The following SMYD3 variants were observed in gnomAD, a reference collection of about 807,000 sequenced individuals.
SMYD3 encodes SET and MYND domain containing 3, also known as histone-lysine N-methyltransferase SMYD3.
A neutral mutation model predicts 57.7 loss-of-function variants in SMYD3; 36 were observed. That is an observed-to-expected ratio of 0.62 (90% CI 0.48 to 0.82). The LOEUF (loss-of-function observed/expected upper bound fraction) is 0.82. Among genes scored for constraint, SMYD3 ranks in the 40% least tolerant of loss-of-function variants. The probability of loss-of-function intolerance (pLI) is 0.00; values close to 1 mark genes in which losing one functional copy is unlikely to be tolerated. For synonymous variants in SMYD3, 211 were observed against 195.0 expected, an observed-to-expected ratio of 1.08 and a Z score of -0.68; for missense variants, 515 against 538.8, an observed-to-expected ratio of 0.96 and a Z score of 0.44.
intron 5 of SMYD3, among the ~76,000 whole-genome samples, chr1:245,996,516 C>G (rs764012363): frequency 3.3e-5 from 5 of 152,132 alleles, no homozygotes; most frequent in African/African-American, 4.8e-5. Context: ...CTCATTAGGC[C>G]AGGACCACAT....
chr1:246,084,966 A>G (rs771442290), intron 5 of SMYD3, among the ~76,000 whole-genome samples: 10 of 152,256 alleles, frequency 6.6e-5, no homozygotes, highest in Non-Finnish European at 1.3e-4. Flanking sequence ...TTTTGTGATT[A>G]GAGTACCTAG....
chr1:245,856,152 T>C (rs2051227834), intron 10 of SMYD3, among the ~76,000 whole-genome samples: 1 of 152,226 alleles, frequency 6.6e-6, no homozygotes, highest in African/African-American at 2.4e-5. Flanking sequence ...CCTGACCTAT[T>C]TGCATACATT....
At chr1:245,822,976 G>A (rs140543783) in intron 10 of SMYD3, among the ~76,000 whole-genome samples, 264 of 152,268 alleles carry the variant, frequency 1.7e-3, no homozygotes, top group African/African-American at 6.1e-3. Context: ...GTCCTGAATG[G>A]GTGAGGCAAA....
At chr1:246,262,422 T>C (rs2064029182) in intron 5 of SMYD3, among the ~76,000 whole-genome samples, 1 of 152,240 alleles carries the variant, frequency 6.6e-6, no homozygotes, top group South Asian at 2.1e-4. Flanking sequence ...TCTGGACATA[T>C]TCCCATATCT....
At chr1:246,037,169 T>C (rs892731336) in intron 5 of SMYD3, among the ~76,000 whole-genome samples, 2 of 152,226 alleles carry the variant, frequency 1.3e-5, no homozygotes, top group African/African-American at 4.8e-5. Context: ...TTCCTATAAA[T>C]GTAATTGCTG....
intron 5 of SMYD3, among the ~76,000 whole-genome samples, chr1:245,949,328 C>A (rs1267282543): frequency 6.6e-6 from 1 of 152,194 alleles, no homozygotes; most frequent in Non-Finnish European, 1.5e-5. Flanking sequence ...CACCGTGGGG[C>A]CCAAGGACTG....
rs1010446696 is a variant in SMYD3 at position 246,110,398 on chromosome 1, A to C, written c.532-180461T>G. On this transcript the variant is annotated intron_variant, in intron 5 of 11. Transcript: ENST00000490107. Reference sequence around the variant, plus strand: ...AAGGGAGTGGGTAGATGAATGGCAGACAGCTGAAAGAACACTCAGGGGGCT... The same window carrying C: ...AAGGGAGTGGGTAGATGAATGGCAGCCAGCTGAAAGAACACTCAGGGGGCT... 1.1e-4 allele frequency among the ~76,000 whole-genome samples: 17 copies of C among 152,206 alleles called. 1 individual carries two copies. The highest frequency in any genetic ancestry group is 3.2e-3 in the Middle Eastern group (1 of 314).
At chr1:245,915,674 A>G (rs370203670) in intron 7 of SMYD3, 34 bp from the exon 8 acceptor site, 5 of 1,329,496 alleles carry the variant, frequency 3.8e-6, no homozygotes, top group Non-Finnish European at 5.4e-6. Context: ...GCGCTGAAAC[A>G]TCTGCTGTGC....
At chr1:246,358,558 A>C (rs2065940708) in intron 1 of SMYD3, among the ~76,000 whole-genome samples, 1 of 152,238 alleles carries the variant, frequency 6.6e-6, no homozygotes. Flanking sequence ...AGAACATATG[A>C]TAGGGCACAA....
intron 5 of SMYD3, among the ~76,000 whole-genome samples, chr1:246,070,210 T>C (rs151180879): frequency 2.0e-5 from 3 of 152,270 alleles, no homozygotes; most frequent in East Asian, 3.9e-4. Flanking sequence ...CTTCTTTTCA[T>C]TTCCCGGGAC....
intron 7 of SMYD3, among the ~76,000 whole-genome samples, chr1:245,923,174 T>C (rs187563700): frequency 7.9e-4 from 121 of 152,244 alleles, no homozygotes; most frequent in African/African-American, 2.8e-3. Flanking sequence ...AATGTTTCGT[T>C]TGTGATATCC....
chr1:245,786,641 G>T (rs1242093975), intron 10 of SMYD3, among the ~76,000 whole-genome samples: 1 of 151,456 alleles, frequency 6.6e-6, no homozygotes, highest in East Asian at 1.9e-4. Context: ...GTACAAACAA[G>T]CTGGCAGCCC....
intron 10 of SMYD3, among the ~76,000 whole-genome samples, chr1:245,847,267 A>G (rs1182092869): frequency 6.6e-6 from 1 of 152,214 alleles, no homozygotes; most frequent in Admixed American, 6.5e-5. Context: ...CTTACTGCTC[A>G]TTATAAATGC....
chr1:246,117,520 G>A (rs924793295), intron 5 of SMYD3, among the ~76,000 whole-genome samples: 7 of 152,072 alleles, frequency 4.6e-5, no homozygotes, highest in East Asian at 1.9e-4. Context: ...ATTATTTCAC[G>A]TGCTTTCTGA....
chr1:246,206,598 A>C (rs1384659270), intron 5 of SMYD3, among the ~76,000 whole-genome samples: 2 of 152,206 alleles, frequency 1.3e-5, no homozygotes, highest in Non-Finnish European at 2.9e-5. Context: ...ACAAAAATCA[A>C]TAACCAATTC....
chr1:246,051,421 A>G (rs61841870), intron 5 of SMYD3, among the ~76,000 whole-genome samples: 1 of 152,034 alleles, frequency 6.6e-6, no homozygotes, highest in African/African-American at 2.4e-5. Context: ...TCACCCAGCC[A>G]ATATTAACTT....
At chr1:246,394,244 C>G (rs1356928066) in intron 1 of SMYD3, among the ~76,000 whole-genome samples, 1 of 152,208 alleles carries the variant, frequency 6.6e-6, no homozygotes, top group Admixed American at 6.5e-5. Flanking sequence ...CCCAAGATCT[C>G]TAACACATTG....
At chr1:246,455,655 G>GTTA (rs1044778559) in intron 1 of SMYD3, among the ~76,000 whole-genome samples, 4 of 152,228 alleles carry the variant, frequency 2.6e-5, no homozygotes, top group African/African-American at 9.6e-5. Context: ...TTGCAGCTAG[G>GTTA]TTATTACCCA....
At chr1:246,452,492 C>T (rs567570882) in intron 1 of SMYD3, among the ~76,000 whole-genome samples, 1 of 152,012 alleles carries the variant, frequency 6.6e-6, no homozygotes, top group Non-Finnish European at 1.5e-5. Context: ...AACCAAGACT[C>T]CGTTTCAAAA....
Sources: allele counts gnomAD v4.1 joint callset (sites outside exome capture counted in the v4.1 genomes callset), GRCh38; gene constraint gnomAD v4.1.1; transcripts MANE v1.5; gene names NCBI Gene and HGNC (gene_info 2026-07-23, HGNC 2026-07-21).